GRIN2A: variants seen among roughly 807,000 people sequenced by gnomAD.
GRIN2A encodes the protein glutamate ionotropic receptor NMDA type subunit 2A, also known as glutamate receptor ionotropic, NMDA 2A.
In GRIN2A, 22 loss-of-function variants were observed where a neutral mutation model predicts 113.4. The observed-to-expected ratio is 0.19, with a 90% CI of 0.14 to 0.28. The LOEUF is 0.28. Among genes scored for constraint, GRIN2A ranks in the 10% least tolerant of loss-of-function variants. The pLI, the probability that GRIN2A is intolerant of heterozygous loss-of-function variation, is 1.00. For missense variants in GRIN2A, 1,502 were observed against 1,887.0 expected, an observed-to-expected ratio of 0.80 and a Z score of 3.78; for synonymous variants, 827 against 738.4, an observed-to-expected ratio of 1.12 and a Z score of -1.94.
intron 3 of GRIN2A, among the ~76,000 whole-genome samples, chr16:9,900,851 C>T (rs2043907818): frequency 6.6e-6 from 1 of 152,202 alleles, no homozygotes; most frequent in African/African-American, 2.4e-5. Flanking sequence ...AACCAGCTCA[C>T]ATAATGAGCT....
chr16:9,942,217 C>T (rs1478727879), intron 2 of GRIN2A, among the ~76,000 whole-genome samples: 1 of 152,198 alleles, frequency 6.6e-6, no homozygotes, highest in African/African-American at 2.4e-5. Flanking sequence ...AACCATGCCA[C>T]TGCCCTGCTC....
chr16:9,892,373 G>C (rs1020704785), intron 3 of GRIN2A, among the ~76,000 whole-genome samples: 4 of 152,170 alleles, frequency 2.6e-5, no homozygotes, highest in African/African-American at 9.7e-5. Context: ...GACTACTTAT[G>C]CTATTCTTAC....
intron 3 of GRIN2A, among the ~76,000 whole-genome samples, chr16:9,902,992 G>A (rs369118075): frequency 1.4e-5 from 2 of 138,598 alleles, no homozygotes; most frequent in East Asian, 2.1e-4. Context: ...TGGGGGTGAC[G>A]GAGTCTCACT....
At chr16:10,078,281 C>A (rs77381235) in intron 2 of GRIN2A, among the ~76,000 whole-genome samples, 2,151 of 152,118 alleles carry the variant, frequency 0.014, 50 homozygotes, top group African/African-American at 0.049. Context: ...CTTTACCAGC[C>A]AAGTGCCTGG....
intron 2 of GRIN2A, among the ~76,000 whole-genome samples, chr16:10,046,508 C>G (rs2047261752): frequency 1.3e-5 from 2 of 152,080 alleles, no homozygotes; most frequent in African/African-American, 4.8e-5. Context: ...ACCTTCCCAT[C>G]TTTTCCATAA....
rs189364027 is a variant in GRIN2A, at chr16:10,019,968, C to T, written c.415-81417G>A. 8.4e-3 allele frequency among the ~76,000 whole-genome samples: 1,272 copies of T among 152,286 alleles called. 10 individuals are homozygous for T. The highest frequency in any genetic ancestry group is 0.021 in the South Asian group (99 of 4,820). ...GACACCCAAAATGGTAACCAACAGTCGTGAAAGATGTGTTAATTAATTCGA... is the reference window on the plus strand; with the variant it reads ...GACACCCAAAATGGTAACCAACAGTTGTGAAAGATGTGTTAATTAATTCGA... On this transcript the variant is annotated intron_variant, in intron 2 of 12. Coordinates refer to ENST00000330684, the MANE Select transcript of GRIN2A (RefSeq NM_001134407.3).
chr16:10,141,574 C>A (rs2049327487), intron 2 of GRIN2A, among the ~76,000 whole-genome samples: 1 of 152,184 alleles, frequency 6.6e-6, no homozygotes. Context: ...CCAAATGACA[C>A]CTGGATCTAG....
intron 3 of GRIN2A, among the ~76,000 whole-genome samples, chr16:9,928,373 T>C (rs2141601123): frequency 6.6e-6 from 1 of 152,280 alleles, no homozygotes; most frequent in African/African-American, 2.4e-5. Context: ...AAACCAACGA[T>C]AGCTCATAAG....
chr16:9,814,691 T>C (rs1010954215), intron 10 of GRIN2A, among the ~76,000 whole-genome samples: 1 of 152,158 alleles, frequency 6.6e-6, no homozygotes, highest in East Asian at 1.9e-4. Context: ...AGACATGGAC[T>C]ACCTACATCT....
In GRIN2A at chr16:9,976,785, G is replaced by A. The variant is rs148396289; in HGVS notation, c.415-38234C>T. Among the ~76,000 whole-genome samples the A allele has an allele frequency of 1.6e-3, 251 of 152,252 alleles. 2 individuals are homozygous for A. Among genetic ancestry groups the A allele is most frequent in the South Asian group, 0.011 (51 of 4,818 alleles). ...TGTCCTCTGAAGCCATTCAGCTGGCGTCACTTGTAGATATATCCCTCCGAG... is the reference window on the plus strand; with the variant it reads ...TGTCCTCTGAAGCCATTCAGCTGGCATCACTTGTAGATATATCCCTCCGAG... On this transcript the variant is annotated intron_variant, in intron 2 of 12. Coordinates refer to ENST00000330684, the MANE Select transcript of GRIN2A (RefSeq NM_001134407.3).
chr16:9,851,226 G>T (rs745718010), intron 4 of GRIN2A, among the ~76,000 whole-genome samples: 1 of 152,154 alleles, frequency 6.6e-6, no homozygotes, highest in Non-Finnish European at 1.5e-5. Context: ...ATTTTTGCTG[G>T]CTATAAAGAA....
intron 2 of GRIN2A, among the ~76,000 whole-genome samples, chr16:10,021,446 C>T (rs562187118): frequency 2.0e-5 from 3 of 152,288 alleles, no homozygotes; most frequent in Admixed American, 6.5e-5. Context: ...AGAATTCTCA[C>T]CTCAGCAGTC....
chr16:10,022,477 T>A (rs1797152687), intron 2 of GRIN2A, among the ~76,000 whole-genome samples: 1 of 152,226 alleles, frequency 6.6e-6, no homozygotes, highest in African/African-American at 2.4e-5. Context: ...TTAGCCTCGC[T>A]TTAAAGTCCA....
chr16:10,015,845 G>A (rs916273007), intron 2 of GRIN2A, among the ~76,000 whole-genome samples: 4 of 152,096 alleles, frequency 2.6e-5, no homozygotes, highest in Non-Finnish European at 5.9e-5. Flanking sequence ...CCATGTGGTA[G>A]GGTAGCTGGG....
chr16:10,067,249 T>C (rs961745601), intron 2 of GRIN2A, among the ~76,000 whole-genome samples: 1 of 152,118 alleles, frequency 6.6e-6, no homozygotes, highest in African/African-American at 2.4e-5. Flanking sequence ...CAGCAGGAAA[T>C]AATTTGCTTT....
chr16:9,810,833 C>T (rs1278785066), intron 10 of GRIN2A, among the ~76,000 whole-genome samples: 3 of 152,176 alleles, frequency 2.0e-5, no homozygotes, highest in Non-Finnish European at 2.9e-5. Context: ...AGGTGCAGTA[C>T]CTGAGTTCCT....
chr16:9,769,117 G>T (rs1901101444), intron 11 of GRIN2A, 28 bp from the exon 12 acceptor site: 2 of 1,550,820 alleles, frequency 1.3e-6, no homozygotes. Context: ...TTCACAGGCA[G>T]TGAGGACCAG....
rs1281144845 is a variant in GRIN2A, at chr16:9,840,984, C to T, written c.1449G>A (p.Gly483=). The T allele has an allele frequency of 4.3e-6, 7 of 1,613,756 alleles. No homozygotes were observed. Among genetic ancestry groups the T allele is most frequent in the African/African-American group, 1.3e-5 (1 of 74,894 alleles). ...FTYDLYLVTN[G]KHGKKVNNVW... is the part of the protein sequence containing the mutation. ...CATTGTTAACTTTCTTGCCATGCTT[C>T]CCATTGGTCACCAGATAGAGGTCGT... Residue 483 remains glycine, a synonymous_variant, in exon 6 of 13, where the codon GGG becomes GGA. Transcript: ENST00000330684.
chr16:9,764,775 G>A lies in GRIN2A; in HGVS notation c.2769C>T (p.Asp923=). The change falls in exon 13 of 13, where the codon GAC becomes GAT. Residue 923 remains aspartate (D), a synonymous_variant. Coordinates refer to ENST00000330684, the MANE Select transcript of GRIN2A (RefSeq NM_001134407.3). Reference sequence around the variant, plus strand: ...TGATGAGGGAACCTCTTTGGATGAAGTCAGCAGCTCTTTTGGGTGAGTCCA... The same window carrying A: ...TGATGAGGGAACCTCTTTGGATGAAATCAGCAGCTCTTTTGGGTGAGTCCA... The part of the protein sequence containing the change: ...SRMDSPKRAA[D]FIQRGSLIMD... 4 of 1,614,230 alleles carry A rather than the reference G, an allele frequency of 2.5e-6. No homozygotes were observed. In the South Asian group the frequency reaches 4.4e-5, roughly 18 times the overall value.
Sources: allele counts gnomAD v4.1 joint callset (sites outside exome capture counted in the v4.1 genomes callset), GRCh38; gene constraint gnomAD v4.1.1; transcripts MANE v1.5; gene names NCBI Gene and HGNC (gene_info 2026-07-23, HGNC 2026-07-21).